The following EFCAB5 variants were observed in gnomAD, a reference collection of about 807,000 sequenced individuals.
EFCAB5 encodes EF-hand calcium-binding domain-containing protein 5.
Under a neutral mutation model 167.9 loss-of-function variants are expected in EFCAB5, and 131 were observed. That is an observed-to-expected ratio of 0.78 (90% CI 0.68 to 0.90). The LOEUF is 0.90. EFCAB5 is among the 40% of genes least tolerant of loss of function. The pLI is 0.00. For missense variants in EFCAB5, 1,663 were observed against 1,745.2 expected, an observed-to-expected ratio of 0.95 and a Z score of 0.84; for synonymous variants, 574 against 602.8, an observed-to-expected ratio of 0.95 and a Z score of 0.70.
At chr17:29,956,857 G>A (rs1448761022) in intron 3 of EFCAB5, among the ~76,000 whole-genome samples, 1 of 152,132 alleles carries the variant, frequency 6.6e-6, no homozygotes, top group Non-Finnish European at 1.5e-5. Context: ...AAGAAAGAGA[G>A]AGGTGGGCTG....
intron 4 of EFCAB5, among the ~76,000 whole-genome samples, chr17:29,978,409 T>G (rs1013670910): frequency 1.3e-5 from 2 of 152,230 alleles, no homozygotes; most frequent in Admixed American, 6.5e-5. Flanking sequence ...TAATGATAAT[T>G]TATGTACACT....
At chr17:29,943,792 G>T in intron 3 of EFCAB5, 143 bp downstream of exon 3, 1 of 510,340 alleles carries the variant, frequency 2.0e-6, no homozygotes, top group Non-Finnish European at 3.3e-6. Flanking sequence ...TGGCCAACAT[G>T]GTGAAACACC....
In EFCAB5 at chr17:29,950,109, T is replaced by C. The variant is rs115441756; in HGVS notation, c.190+6460T>C. ...TGGGTCCACTTATACACAGATTTTCTTCCACCTCTGCCACTCCAAAACAGC... is the reference window on the plus strand; with the variant it reads ...TGGGTCCACTTATACACAGATTTTCCTCCACCTCTGCCACTCCAAAACAGC... On this transcript the variant is annotated intron_variant, in intron 3 of 22. Transcript: ENST00000394835. Among the ~76,000 whole-genome samples, 722 of 152,306 alleles carry C rather than the reference T, an allele frequency of 4.7e-3. 6 individuals are homozygous for C. Among genetic ancestry groups the C allele is most frequent in the African/African-American group, 0.017 (691 of 41,562 alleles).
intron 19 of EFCAB5, 84 bp downstream of exon 19, chr17:30,087,250 C>G (rs1360245782): frequency 9.5e-7 from 1 of 1,058,006 alleles, no homozygotes; most frequent in African/African-American, 1.6e-5. Context: ...GCTTCTGACT[C>G]TTGCTCATAC....
intron 14 of EFCAB5, among the ~76,000 whole-genome samples, chr17:30,077,956 C>T (rs1206526984): frequency 6.6e-6 from 1 of 152,114 alleles, no homozygotes; most frequent in Non-Finnish European, 1.5e-5. Context: ...GGAGTCAAAG[C>T]AAACCTTGAG....
At chr17:29,945,444 G>A (rs576893346) in intron 3 of EFCAB5, among the ~76,000 whole-genome samples, 4 of 152,048 alleles carry the variant, frequency 2.6e-5, no homozygotes, top group African/African-American at 9.6e-5. Flanking sequence ...TGTTGTGGTG[G>A]CTTATGCCTG....
chr17:29,975,565 C>T (rs2068048891), intron 4 of EFCAB5, among the ~76,000 whole-genome samples: 1 of 152,132 alleles, frequency 6.6e-6, no homozygotes, highest in African/African-American at 2.4e-5. Flanking sequence ...CCCACCTACA[C>T]TCAAATTTAT....
intron 22 of EFCAB5, among the ~76,000 whole-genome samples, chr17:30,094,938 T>A (rs569652512): frequency 1.2e-4 from 19 of 152,258 alleles, no homozygotes; most frequent in African/African-American, 4.1e-4. Context: ...CTATTCTCTG[T>A]CACTTTGCCT....
intron 3 of EFCAB5, among the ~76,000 whole-genome samples, chr17:29,948,079 G>A (rs549890351): frequency 6.6e-6 from 1 of 152,270 alleles, no homozygotes; most frequent in African/African-American, 2.4e-5. Context: ...GCCCACCTCG[G>A]CCTCCCAAAG....
intron 3 of EFCAB5, among the ~76,000 whole-genome samples, chr17:29,955,926 C>T (rs117178009): frequency 6.6e-6 from 1 of 152,116 alleles, no homozygotes; most frequent in Non-Finnish European, 1.5e-5. Context: ...ATATACAGGG[C>T]TACAGTAATC....
rs569046314 is a variant in EFCAB5 at position 30,076,912 on chromosome 17, A to T, written c.2738-1303A>T. Among the ~76,000 whole-genome samples, 7 of 152,380 alleles carry T rather than the reference A, an allele frequency of 4.6e-5. No individual in the cohort carries two copies. The South Asian group carries it at 1.4e-3, about 32-fold the overall frequency. ...AACAACATAGAAAGATATGTTGAAA[A>T]GATAAACAACATGGAAGATATGTAG... is the stretch of plus-strand genomic sequence containing the variant. On this transcript the variant is annotated intron_variant, in intron 14 of 22. Coordinates refer to ENST00000394835, the MANE Select transcript of EFCAB5 (RefSeq NM_198529.4).
intron 3 of EFCAB5, among the ~76,000 whole-genome samples, chr17:29,954,178 A>G (rs1417207936): frequency 6.6e-6 from 1 of 152,194 alleles, no homozygotes; most frequent in Non-Finnish European, 1.5e-5. Flanking sequence ...TCTGGGGAGA[A>G]ATTCAAGCCA....
chr17:30,092,383 G>A (rs548626764), intron 21 of EFCAB5, among the ~76,000 whole-genome samples: 7 of 152,056 alleles, frequency 4.6e-5, no homozygotes, highest in African/African-American at 1.4e-4. Context: ...CCCACCCCAA[G>A]GGTAACCATC....
chr17:30,089,192 C>T (rs1249269706), intron 19 of EFCAB5, among the ~76,000 whole-genome samples: 1 of 152,080 alleles, frequency 6.6e-6, no homozygotes, highest in East Asian at 1.9e-4. Flanking sequence ...CATGCATAGC[C>T]CTGGATTCTT....
Position 30,090,430 on chromosome 17 carries a change from C to G in EFCAB5, c.3693C>G (p.Leu1231=), listed in dbSNP as rs553317904. The G allele has an allele frequency of 1.4e-5, 22 of 1,611,924 alleles. 1 individual carries two copies. In the South Asian group the frequency reaches 2.2e-4, roughly 16 times the overall value. Residue 1231 remains leucine, a synonymous_variant, in exon 20 of 23, where the codon CTC becomes CTG. Coordinates refer to ENST00000394835, the MANE Select transcript of EFCAB5 (RefSeq NM_198529.4). ...TTGGTTTTGATTTCAGAGATTTCCT[C>G]TTTAAATGTACTGACAGTTCAGAAG... ...HRKSCIFRDF[L]FKCTDSSEVV...
At chr17:29,999,586 C>A (rs770626131) in intron 6 of EFCAB5, among the ~76,000 whole-genome samples, 21 of 152,076 alleles carry the variant, frequency 1.4e-4, no homozygotes, top group Non-Finnish European at 2.8e-4. Flanking sequence ...TGTTTAAGGA[C>A]CTGCTAGCAT....
chr17:29,969,193 T>C lies in EFCAB5; in HGVS notation c.593T>C (p.Val198Ala). The C allele has an allele frequency of 6.2e-7, 1 of 1,613,764 alleles. No homozygotes were observed. Among genetic ancestry groups the C allele is most frequent in the Non-Finnish European group, 8.5e-7 (1 of 1,179,814 alleles). The part of the protein sequence containing the change: ...NMLTQVEKKK[V>A]LTEADTPSKF... ...TTAACTCAAGTAGAAAAGAAGAAGG[T>C]TTTGACAGAAGCTGATACTCCAAGC... is the stretch of plus-strand genomic sequence containing the variant. Residue 198 changes from valine to alanine, a missense_variant, in exon 4 of 23, where the codon GTT becomes GCT. By Grantham distance (64) the Val-to-Ala change is moderately conservative. Coordinates refer to ENST00000394835, the MANE Select transcript of EFCAB5 (RefSeq NM_198529.4).
chr17:29,958,493 G>A (rs1351679458), intron 3 of EFCAB5, among the ~76,000 whole-genome samples: 1 of 152,094 alleles, frequency 6.6e-6, no homozygotes, highest in African/African-American at 2.4e-5. Flanking sequence ...ATTTTTAAAA[G>A]ATATTTCAAT....
chr17:29,999,864 A>T (rs1010166141), intron 6 of EFCAB5, 42 bp from the exon 7 acceptor site: 2 of 1,401,860 alleles, frequency 1.4e-6, no homozygotes, highest in Admixed American at 2.1e-5. Context: ...AATATATATT[A>T]CAACCTAACT....
Sources: allele counts gnomAD v4.1 joint callset (sites outside exome capture counted in the v4.1 genomes callset), GRCh38; gene constraint gnomAD v4.1.1; transcripts MANE v1.5; gene names NCBI Gene and HGNC (gene_info 2026-07-23, HGNC 2026-07-21).